Variants in DMXL2 observed in about 807,000 individuals in gnomAD.
DMXL2 encodes the protein dmX-like protein 2.
A neutral mutation model predicts 331.1 loss-of-function variants in DMXL2; 103 were observed. The ratio of observed to expected loss-of-function variants is 0.31; its 90% CI spans 0.27 to 0.37. DMXL2 has a LOEUF of 0.37. Among genes scored for constraint, DMXL2 ranks in the 10% least tolerant of loss-of-function variants. The probability of loss-of-function intolerance (pLI) is 1.00; values close to 1 mark genes in which losing one functional copy is unlikely to be tolerated. For missense variants in DMXL2, 3,171 were observed against 3,642.9 expected (o/e 0.87, Z 3.33); for synonymous variants, 1,281 against 1,252.1 (o/e 1.02, Z -0.49).
chr15:51,618,807 C>CATGG (rs2054451291), intron 1 of DMXL2, among the ~76,000 whole-genome samples: 1 of 152,108 alleles, frequency 6.6e-6, no homozygotes, highest in African/African-American at 2.4e-5. Flanking sequence ...CTTGTTTTCC[C>CATGG]AACTACAATC....
chr15:51,571,324 C>A (rs979522532), intron 2 of DMXL2, among the ~76,000 whole-genome samples: 1 of 152,176 alleles, frequency 6.6e-6, no homozygotes. Flanking sequence ...TAGACTCCCA[C>A]ACAGTAATAG....
chr15:51,580,773 AATTCT>A (rs2051354352), intron 1 of DMXL2, among the ~76,000 whole-genome samples: 1 of 151,318 alleles, frequency 6.6e-6, no homozygotes, highest in Non-Finnish European at 1.5e-5. Flanking sequence ...GCTCAGAGAT[AATTCT>A]GTAGCATAAG....
rs1455180785 is a variant in DMXL2, at chr15:51,536,154, A to G, written c.2314+12T>C. On this transcript the variant is annotated intron_variant, in intron 12 of 43. Transcript: ENST00000560891. ...AGCTTGTGTTAATTTCACAATTACA[A>G]TGAACACTTACCTAGACAGTAACTG... 1.3e-6 allele frequency: 2 copies of G among 1,536,050 alleles called. No homozygotes were observed. The highest frequency in any genetic ancestry group is 1.7e-6 in the Non-Finnish European group (2 of 1,143,982).
intron 8 of DMXL2, 61 bp from the exon 9 acceptor site, chr15:51,542,568 G>A (rs2140915404): frequency 3.1e-6 from 4 of 1,294,788 alleles, no homozygotes; most frequent in Non-Finnish European, 4.3e-6. Flanking sequence ...GCCAACCAAA[G>A]TACTCTTAAT....
intron 33 of DMXL2, among the ~76,000 whole-genome samples, chr15:51,462,842 G>C (rs1294479938): frequency 6.6e-6 from 1 of 152,064 alleles, no homozygotes; most frequent in African/African-American, 2.4e-5. Flanking sequence ...ATTACTAATT[G>C]TATTAGCTTA....
intron 30 of DMXL2, 43 bp from the exon 31 acceptor site, chr15:51,465,694 A>G (rs777449631): frequency 1.4e-6 from 2 of 1,385,404 alleles, no homozygotes; most frequent in East Asian, 4.7e-5. Flanking sequence ...TGAAAAATAA[A>G]ATCATGGGAG....
At chr15:51,558,299 T>C (rs1157275819) in intron 6 of DMXL2, among the ~76,000 whole-genome samples, 1 of 152,212 alleles carries the variant, frequency 6.6e-6, no homozygotes, top group Non-Finnish European at 1.5e-5. Context: ...CGTGTGATCA[T>C]TCCCCATATT....
Position 51,455,139 on chromosome 15 carries a change from A to G in DMXL2, c.8604+12T>C. On this transcript the variant is annotated intron_variant, in intron 40 of 43. Coordinates refer to ENST00000560891, the MANE Select transcript of DMXL2 (RefSeq NM_001378457.1). ...GTGTATATGCGCCCTGGGAACATTT[A>G]GTGATACTTACCATATAAGGTTTAG... 6.2e-7 allele frequency: 1 copy of G among 1,607,020 alleles called. No homozygotes were observed. Among genetic ancestry groups the G allele is most frequent in the Non-Finnish European group, 8.5e-7 (1 of 1,173,486 alleles).
At position 51,547,378 on chromosome 15, in the gene DMXL2, T is replaced by G. The variant is rs775701630; in HGVS notation, c.598A>C (p.Met200Leu). The change falls in exon 7 of 44, where the codon ATG becomes CTG. Residue 200 changes from methionine to leucine, a missense_variant. By Grantham distance (15) the Met-to-Leu change is conservative. Around this residue, in one of 7 missense-constraint regions of DMXL2, gnomAD observed 1,674 missense variants for 1,780.2 expected, o/e 0.94. Transcript: ENST00000560891. ...DDCLLKVWYP[M>L]TGWKSSIIPQ... Reference sequence around the variant, plus strand: ...ATAATTGAAGACTTCCAACCAGTCATAGGATACCACACTTTCAAAAGACAA... The same window carrying G: ...ATAATTGAAGACTTCCAACCAGTCAGAGGATACCACACTTTCAAAAGACAA... 4 of 1,604,996 alleles carry G rather than the reference T, an allele frequency of 2.5e-6. No homozygotes were observed. The highest frequency in any genetic ancestry group is 3.4e-6 in the Non-Finnish European group (4 of 1,176,802).
intron 1 of DMXL2, among the ~76,000 whole-genome samples, chr15:51,620,055 CTTTAT>C (rs140647377): frequency 2.0e-5 from 3 of 151,998 alleles, no homozygotes; most frequent in Admixed American, 6.5e-5. Flanking sequence ...TATTATATTA[CTTTAT>C]TTTATTTTAC....
chr15:51,557,505 T>C (rs528558515), intron 6 of DMXL2, among the ~76,000 whole-genome samples: 2 of 152,280 alleles, frequency 1.3e-5, no homozygotes, highest in Non-Finnish European at 2.9e-5. Flanking sequence ...AGGTTTTCTG[T>C]TTGCTTTGTA....
At chr15:51,565,585 A>C (rs924073693) in intron 3 of DMXL2, among the ~76,000 whole-genome samples, 1 of 152,156 alleles carries the variant, frequency 6.6e-6, no homozygotes. Context: ...TATAACACTG[A>C]TCACATGGAA....
rs777514586 is a variant in DMXL2 at position 51,455,242 on chromosome 15, A to G, written c.8527-14T>C. The G allele has an allele frequency of 1.2e-6, 2 of 1,606,220 alleles. No homozygotes were observed. Among genetic ancestry groups the G allele is most frequent in the South Asian group, 1.1e-5 (1 of 90,914 alleles). ...CGCAACACCACACTGTAAGAACAGT[A>G]TAACTACTAAACACATGTTCTTAGC... On this transcript the variant is annotated splice_polypyrimidine_tract_variant and intron_variant, in intron 39 of 43. Coordinates refer to ENST00000560891, the MANE Select transcript of DMXL2 (RefSeq NM_001378457.1).
chr15:51,460,196 AG>A (rs1442393990), intron 33 of DMXL2: 1 of 986,482 alleles, frequency 1.0e-6, no homozygotes, highest in Admixed American at 6.1e-5. Context: ...GGGTTGATGC[AG>A]GGTCCTAAGG....
At chr15:51,542,180 C>CA (rs1342381942) in intron 9 of DMXL2, among the ~76,000 whole-genome samples, 153 bp downstream of exon 9, 3 of 151,798 alleles carry the variant, frequency 2.0e-5, no homozygotes, top group African/African-American at 7.3e-5. Context: ...AGGCCCAATT[C>CA]AAAAAATGGT....
At chr15:51,489,589 A>T (rs1206242285) in intron 20 of DMXL2, among the ~76,000 whole-genome samples, 1 of 151,996 alleles carries the variant, frequency 6.6e-6, no homozygotes, top group African/African-American at 2.4e-5. Context: ...CAGGAAGAGG[A>T]GGTTGCAGTG....
chr15:51,538,154 T>C, intron 10 of DMXL2, 59 bp downstream of exon 10: 1 of 1,544,150 alleles, frequency 6.5e-7, no homozygotes, highest in East Asian at 2.3e-5. Flanking sequence ...AAACTAAAAG[T>C]GGTACCACAG....
intron 33 of DMXL2, among the ~76,000 whole-genome samples, chr15:51,462,292 C>T (rs1014458922): frequency 1.4e-4 from 22 of 151,980 alleles, no homozygotes; most frequent in Admixed American, 1.1e-3. Context: ...CTTTTCTAAG[C>T]GAAATATAAT....
At position 51,457,435 on chromosome 15, in the gene DMXL2, T is replaced by C. The variant is rs1448421172; in HGVS notation, c.8230A>G (p.Thr2744Ala). Residue 2744 changes from threonine (T) to alanine (A), a missense_variant, in exon 37 of 44, where the codon ACA (threonine) becomes GCA (alanine). Physicochemically the swap from Thr to Ala is moderately conservative, Grantham distance 58. This residue lies in a region of DMXL2 where 766 missense variants were observed against 940.5 expected (regional missense o/e 0.81). Coordinates refer to ENST00000560891, the MANE Select transcript of DMXL2 (RefSeq NM_001378457.1). Reference protein sequence around the residue: ...SDDVDYRGSTTTLYQPSATSY... With the variant: ...SDDVDYRGSTATLYQPSATSY... ...GTTGCACTGGGTTGATAAAGAGTTG[T>C]AGTGGAACCACGATAATCAACATCA... 3 of 1,614,232 alleles carry C rather than the reference T, an allele frequency of 1.9e-6. No homozygotes were observed. The highest frequency in any genetic ancestry group is 1.1e-5 in the South Asian group (1 of 91,084).
Sources: allele counts gnomAD v4.1 joint callset (sites outside exome capture counted in the v4.1 genomes callset), GRCh38; gene constraint gnomAD v4.1.1; regional missense constraint gnomAD v4.1.1; transcripts MANE v1.5; gene names NCBI Gene and HGNC (gene_info 2026-07-23, HGNC 2026-07-21).